The following LBR variants were observed in gnomAD, a reference collection of about 807,000 sequenced individuals.
The protein encoded by LBR is lamin B receptor, also known as delta(14)-sterol reductase LBR.
In LBR, 28 loss-of-function variants were observed where a neutral mutation model predicts 74.3. The ratio of observed to expected loss-of-function variants is 0.38; its 90% CI spans 0.28 to 0.52. The LOEUF (loss-of-function observed/expected upper bound fraction) is 0.52, where lower values mean the gene tolerates loss of function less well. Ranked by LOEUF, LBR falls within the 20% of genes least tolerant of loss-of-function variation. The pLI, the probability that LBR is intolerant of heterozygous loss-of-function variation, is 0.89. For missense variants in LBR, 717 were observed against 760.3 expected, an observed-to-expected ratio of 0.94 and a Z score of 0.67; for synonymous variants, 228 against 269.3, an observed-to-expected ratio of 0.85 and a Z score of 1.50.
intron 7 of LBR, among the ~76,000 whole-genome samples, chr1:225,413,032 C>G (rs890646629): frequency 7.9e-5 from 12 of 152,252 alleles, no homozygotes; most frequent in Admixed American, 7.8e-4. Context: ...ATGCCATTAC[C>G]TAAGGGGAGG....
intron 7 of LBR, among the ~76,000 whole-genome samples, chr1:225,413,502 T>C (rs1369887912): frequency 6.6e-6 from 1 of 152,200 alleles, no homozygotes; most frequent in Admixed American, 6.5e-5. Context: ...AAAAAAGAGG[T>C]AGCTGTTATT....
In LBR at chr1:225,427,002, C is replaced by T. The variant is rs529137321; in HGVS notation, c.-15+952G>A. The stretch of plus-strand genomic sequence containing the variant: ...CTCCCACACACCAGTTACTACAATG[C>T]GTAACTACAGATCTACACGTGTTTA... On this transcript the variant is annotated intron_variant, in intron 1 of 13. Transcript: ENST00000272163. 2.1e-3 allele frequency among the ~76,000 whole-genome samples: 313 copies of T among 152,336 alleles called. 1 individual carries two copies. The highest frequency in any genetic ancestry group is 7.3e-3 in the African/African-American group (303 of 41,568).
chr1:225,420,106 A>C lies in LBR; in HGVS notation c.367-308T>G, dbSNP rs182047481. Reference sequence around the variant, plus strand: ...GTGGATCACCTGAGGTCAGGAGTTCAAGACCAGCCTGGCCAACATGGTGAA... The same window carrying C: ...GTGGATCACCTGAGGTCAGGAGTTCCAGACCAGCCTGGCCAACATGGTGAA... On this transcript the variant is annotated intron_variant, in intron 3 of 13. Transcript: ENST00000272163. 3.5e-4 allele frequency among the ~76,000 whole-genome samples: 54 copies of C among 152,156 alleles called. 1 individual carries two copies. The highest frequency in any genetic ancestry group is 6.9e-4 in the Non-Finnish European group (47 of 67,992).
intron 1 of LBR, among the ~76,000 whole-genome samples, 188 bp from the exon 2 acceptor site, chr1:225,424,277 G>A (rs2096134858): frequency 6.6e-6 from 1 of 151,980 alleles, no homozygotes; most frequent in Non-Finnish European, 1.5e-5. Context: ...CGTTATCTAT[G>A]TGACACTAAA....
intron 3 of LBR, among the ~76,000 whole-genome samples, chr1:225,420,925 G>GTC (rs1257354972): frequency 6.6e-6 from 1 of 152,160 alleles, no homozygotes; most frequent in Non-Finnish European, 1.5e-5. Flanking sequence ...AGTTCCACTT[G>GTC]TAAGAATCCA....
At chr1:225,425,588 G>A (rs1575233285) in intron 1 of LBR, among the ~76,000 whole-genome samples, 1 of 152,240 alleles carries the variant, frequency 6.6e-6, no homozygotes, top group East Asian at 1.9e-4. Flanking sequence ...ATGAGCAGGG[G>A]CATAAAAACG....
intron 11 of LBR, among the ~76,000 whole-genome samples, chr1:225,406,012 C>T (rs944639606): frequency 6.6e-6 from 1 of 152,128 alleles, no homozygotes; most frequent in Non-Finnish European, 1.5e-5. Context: ...CCATGACTGA[C>T]CCTGGTGGAC....
Position 225,404,696 on chromosome 1 carries a change from A to G in LBR, c.1494T>C (p.Tyr498=). ...GAGAATTTGCACCTCGGAAGATTAC[A>G]TAACCACAAACTGCAATTTTAAAAT... ...SLIIVLKLCG[Y]VIFRGANSQK... Residue 498 remains tyrosine, a synonymous_variant, in exon 12 of 14, where the codon TAT becomes TAC. Transcript: ENST00000272163. 6.2e-7 allele frequency: 1 copy of G among 1,608,138 alleles called. No individual in the cohort carries two copies. Among genetic ancestry groups the G allele is most frequent in the South Asian group, 1.1e-5 (1 of 90,892 alleles).
intron 3 of LBR, among the ~76,000 whole-genome samples, chr1:225,421,289 C>T (rs529112312): frequency 1.8e-3 from 279 of 152,284 alleles, no homozygotes; most frequent in Non-Finnish European, 3.1e-3. Context: ...GTCAGGAAAT[C>T]GAGACCATCC....
rs765213528 is a variant in LBR, at chr1:225,403,332, G to A, written c.1819C>T (p.Pro607Ser). 6.2e-7 allele frequency: 1 copy of A among 1,613,622 alleles called. No homozygotes were observed. The highest frequency in any genetic ancestry group is 8.5e-7 in the Non-Finnish European group (1 of 1,179,918). Residue 607 changes from proline (P) to serine (S), a missense_variant, in exon 14 of 14, where the codon CCC becomes TCC. Coordinates refer to ENST00000272163, the MANE Select transcript of LBR (RefSeq NM_002296.4). ...TAGATGTATGGAAATATACGGTAGG[G>A]CACACGCTGACAGTACTTTTCCCAA... ...VAWEKYCQRV[P>S]YRIFPYIY
intron 7 of LBR, chr1:225,414,048 C>T (rs1018932740): frequency 4.4e-6 from 2 of 456,590 alleles, no homozygotes; most frequent in African/African-American, 4.0e-5. Flanking sequence ...ACTCACCTTC[C>T]CTGGTGTGGT....
At chr1:225,403,639 G>A (rs544741168) in intron 13 of LBR, among the ~76,000 whole-genome samples, 176 bp from the exon 14 acceptor site, 18 of 152,206 alleles carry the variant, frequency 1.2e-4, no homozygotes, top group Non-Finnish European at 2.1e-4. Flanking sequence ...GCAGAAGGTC[G>A]TATCTAAATT....
intron 3 of LBR, among the ~76,000 whole-genome samples, chr1:225,421,259 C>G (rs1160493988): frequency 6.6e-6 from 1 of 152,158 alleles, no homozygotes; most frequent in African/African-American, 2.4e-5. Flanking sequence ...TTTGGGAGGC[C>G]GAGGCGGGTG....
chr1:225,412,388 A>G, intron 8 of LBR, 66 bp downstream of exon 8: 1 of 1,461,300 alleles, frequency 6.8e-7, no homozygotes, highest in Non-Finnish European at 9.6e-7. Context: ...ATCTATTCAA[A>G]TCTGGAAATG....
At position 225,406,749 on chromosome 1, in the gene LBR, A is replaced by AT; in HGVS notation, c.1397_1398insA (p.Phe466LeufsTer16). On this transcript the variant is annotated frameshift_variant, in exon 11 of 14. Transcript: ENST00000272163. LOFTEE classifies it high-confidence loss of function. ...AATAAAAGGCTTGGAAGCTGTAAAT[A>AT]AAGGGAACCCACACCAAGTCTCCAA... 6.2e-7 allele frequency: 1 copy of AT among 1,614,176 alleles called. No individual in the cohort carries two copies.
intron 10 of LBR, among the ~76,000 whole-genome samples, chr1:225,408,908 T>C (rs1185874421): frequency 1.3e-5 from 2 of 152,266 alleles, no homozygotes; most frequent in South Asian, 2.1e-4. Flanking sequence ...AAGCTAGTAA[T>C]AGAAGAAACC....
Position 225,404,441 on chromosome 1 carries a change from A to G in LBR, c.1650T>C (p.Gly550=). The G allele has an allele frequency of 6.2e-7, 1 of 1,614,208 alleles. No individual in the cohort carries two copies. The highest frequency in any genetic ancestry group is 1.7e-5 in the Admixed American group (1 of 60,024). ...WGFVRHPNYL[G]DLIMALAWSL... is the part of the protein sequence containing the mutation. The stretch of plus-strand genomic sequence containing the variant: ...ACCACGCCAAGGCCATGATGAGATC[A>G]CCCAAGTAATTGGGGTGGCGAACAA... Residue 550 remains glycine, a synonymous_variant, in exon 13 of 14, where the codon GGT becomes GGC. Transcript: ENST00000272163.
At chr1:225,403,510 A>T (rs1295372784) in intron 13 of LBR, 47 bp from the exon 14 acceptor site, 3 of 1,479,260 alleles carry the variant, frequency 2.0e-6, no homozygotes, top group African/African-American at 1.4e-5. Flanking sequence ...TATTATCACT[A>T]CAATGTATTT....
At chr1:225,410,235 C>G (rs2096101865) in intron 10 of LBR, 56 bp downstream of exon 10, 1 of 1,610,114 alleles carries the variant, frequency 6.2e-7, no homozygotes. Flanking sequence ...TCTGACAGGT[C>G]ACTCACCCAC....
Sources: gnomAD v4.1 joint callset for allele counts (sites outside exome capture counted in the v4.1 genomes callset) on GRCh38, gnomAD v4.1.1 for gene constraint, MANE v1.5 for transcripts, NCBI Gene and HGNC (gene_info 2026-07-23, HGNC 2026-07-21) for gene names.